The following CHMP1A variants were observed in gnomAD, a reference collection of about 807,000 sequenced individuals.
The protein encoded by CHMP1A is VPS46 homolog A.
Under a neutral mutation model 27.0 loss-of-function variants are expected in CHMP1A, and 17 were observed. The observed-to-expected ratio is 0.63, with a 90% CI of 0.43 to 0.95. The LOEUF (loss-of-function observed/expected upper bound fraction) is 0.95, where lower values mean the gene tolerates loss of function less well. Among genes scored for constraint, CHMP1A ranks in the 40% least tolerant of loss-of-function variants. The pLI, the probability that CHMP1A is intolerant of heterozygous loss-of-function variation, is 0.00. For synonymous variants in CHMP1A, 131 were observed against 107.5 expected, an observed-to-expected ratio of 1.22 and a Z score of -1.35; for missense variants, 275 against 264.0, an observed-to-expected ratio of 1.04 and a Z score of -0.29.
At position 89,645,539 on chromosome 16, in the gene CHMP1A, AGG is replaced by A; in HGVS notation, c.*525_*526del. The A allele has an allele frequency of 5.2e-6, 1 of 192,068 alleles. No individual in the cohort carries two copies. Among genetic ancestry groups the A allele is most frequent in the East Asian group, 1.8e-4 (1 of 5,408 alleles). 11.9% of individuals were successfully genotyped at this position (192,068 alleles called of 1,614,324 possible). On this transcript the variant is annotated 3_prime_UTR_variant, in exon 7 of 7. Coordinates refer to ENST00000397901, the MANE Select transcript of CHMP1A (RefSeq NM_002768.5). ...GACACCACCCCTGGAGTGATGGAGG[AGG>A]AGGATGTCATTGTAAATACCACCAG... is the stretch of plus-strand genomic sequence containing the variant.
chr16:89,646,884 G>A, intron 5 of CHMP1A, 170 bp from the exon 6 acceptor site: 1 of 709,060 alleles, frequency 1.4e-6, no homozygotes, highest in Non-Finnish European at 2.4e-6. Flanking sequence ...AGCCTTTCCT[G>A]CCCCCCCACC....
At chr16:89,656,388 C>T (rs538193204) in intron 1 of CHMP1A, among the ~76,000 whole-genome samples, 1 of 152,326 alleles carries the variant, frequency 6.6e-6, no homozygotes, top group Admixed American at 6.5e-5. Flanking sequence ...CCGCCGGCCT[C>T]GGCCTCCCAA....
At chr16:89,651,342 G>C (rs1568003012) in intron 3 of CHMP1A, among the ~76,000 whole-genome samples, 1 of 151,888 alleles carries the variant, frequency 6.6e-6, no homozygotes, top group African/African-American at 2.4e-5. Flanking sequence ...GTGCACTCCA[G>C]CCTGGGCGAC....
At chr16:89,649,575 G>C in intron 3 of CHMP1A, 78 bp from the exon 4 acceptor site, 1 of 1,514,256 alleles carries the variant, frequency 6.6e-7, no homozygotes, top group African/African-American at 1.4e-5. Context: ...TTTTTGTTTT[G>C]TTTTGTTTTG....
intron 1 of CHMP1A, among the ~76,000 whole-genome samples, chr16:89,656,166 T>C (rs574699455): frequency 6.6e-6 from 1 of 152,244 alleles, no homozygotes; most frequent in South Asian, 2.1e-4. Context: ...AGACGGAGTC[T>C]CGCTCTGTCG....
At chr16:89,648,181 GC>G (rs1226062248) in intron 4 of CHMP1A, among the ~76,000 whole-genome samples, 1 of 224 alleles carries the variant, frequency 4.5e-3, no homozygotes, top group Admixed American at 0.038. Flanking sequence ...TGGAGAAAAG[GC>G]CGCCGACGTG....
At chr16:89,653,622 CAAAAAAAAA>C (rs5818724) in intron 2 of CHMP1A, among the ~76,000 whole-genome samples, 2 of 51,516 alleles carry the variant, frequency 3.9e-5, no homozygotes, top group Middle Eastern at 8.8e-3. Flanking sequence ...GACGCCGTCT[CAAAAAAAAA>C]AAAAAAAAAA....
At chr16:89,654,014 C>G (rs1311680861) in intron 1 of CHMP1A, 91 bp from the exon 2 acceptor site, 24 of 1,357,998 alleles carry the variant, frequency 1.8e-5, no homozygotes, top group Non-Finnish European at 2.5e-5. Flanking sequence ...CTTCTAGACA[C>G]CAGGAGCTAG....
At chr16:89,647,824 C>T (rs79557824) in intron 4 of CHMP1A, among the ~76,000 whole-genome samples, 20 of 3,994 alleles carry the variant, frequency 5.0e-3, no homozygotes, top group African/African-American at 0.03. Context: ...GGGGACCCAG[C>T]GCGGGGTCGG....
In CHMP1A at chr16:89,649,376, A is replaced by C. The variant is rs768213385; in HGVS notation, c.227T>G (p.Val76Gly). Residue 76 changes from valine to glycine, a missense_variant, in exon 4 of 7, where the codon GTG (valine) becomes GGG (glycine). Coordinates refer to ENST00000397901, the MANE Select transcript of CHMP1A (RefSeq NM_002768.5). ...CCCCTTCATAGTCACAGCTGTCTGC[A>C]CCTTGGAGGCCACTGCGTCTACGCG... ...ASRVDAVASK[V>G]QTAVTMKGVT... 1.9e-6 allele frequency: 3 copies of C among 1,613,446 alleles called. No homozygotes were observed.
At chr16:89,656,801 G>A (rs112965561) in intron 1 of CHMP1A, among the ~76,000 whole-genome samples, 1 of 152,018 alleles carries the variant, frequency 6.6e-6, no homozygotes, top group South Asian at 2.1e-4. Context: ...TCCAAGTCCC[G>A]AAAGGCCGAA....
chr16:89,646,555 G>A lies in CHMP1A; in HGVS notation c.541C>T (p.Arg181Cys), dbSNP rs960075965. The A allele has an allele frequency of 8.2e-6, 13 of 1,591,030 alleles. No homozygotes were observed. The highest frequency in any genetic ancestry group is 4.6e-5 in the South Asian group (4 of 87,134). The change falls in exon 6 of 7, where the codon CGC (arginine) becomes TGC (cysteine). Residue 181 changes from arginine to cysteine, a missense_variant. Coordinates refer to ENST00000397901, the MANE Select transcript of CHMP1A (RefSeq NM_002768.5). The part of the protein sequence containing the change: ...GASAVGESSV[R>C]SQEDQLSRRL... The stretch of plus-strand genomic sequence containing the variant: ...CGTGACAGCTGGTCCTCCTGGCTGC[G>A]CACAGAGCTCTCGCCCACGGCAGAG...
At chr16:89,647,580 CAGTGGAGAAAAGG>C (rs2059786352) in intron 4 of CHMP1A, among the ~76,000 whole-genome samples, 1 of 144,464 alleles carries the variant, frequency 6.9e-6, no homozygotes, top group African/African-American at 2.6e-5. Context: ...AGTGCGGGGT[CAGTGGAGAAAAGG>C]CCGCCGACGT....
At position 89,645,375 on chromosome 16, in the gene CHMP1A, T is replaced by C. The variant is rs1472861138; in HGVS notation, c.*691A>G. 1 of 155,014 alleles carries C rather than the reference T, an allele frequency of 6.5e-6. No individual in the cohort carries two copies. Among genetic ancestry groups the C allele is most frequent in the Non-Finnish European group, 1.4e-5 (1 of 69,680 alleles). 9.6% of individuals were successfully genotyped at this position (155,014 alleles called of 1,614,324 possible). ...TCCAGAGGCAGCAGCTGAGTGAGGA[T>C]GAAGACTGCAGGGTGGGCACACTTG... On this transcript the variant is annotated 3_prime_UTR_variant, in exon 7 of 7. Transcript: ENST00000397901.
At chr16:89,657,524 T>G in intron 1 of CHMP1A, 58 bp downstream of exon 1, 3 of 1,600,806 alleles carry the variant, frequency 1.9e-6, no homozygotes, top group Non-Finnish European at 2.6e-6. Context: ...CCCACGCCAG[T>G]GGGAGAAGCG....
At chr16:89,649,310 CA>C in intron 4 of CHMP1A, 40 bp downstream of exon 4, 1 of 1,597,154 alleles carries the variant, frequency 6.3e-7, no homozygotes, top group Non-Finnish European at 8.6e-7. Context: ...CTGCTTCAGC[CA>C]GCGAACGCCA....
intron 4 of CHMP1A, 86 bp from the exon 5 acceptor site, chr16:89,647,417 G>C: frequency 7.6e-7 from 1 of 1,324,284 alleles, no homozygotes; most frequent in Non-Finnish European, 1.0e-6. Flanking sequence ...GACTCTGACA[G>C]GAGAGCTGGG....
chr16:89,645,122 TGGGAAGGCATTGGGGTGTGGTCG>T lies in CHMP1A; in HGVS notation c.*921_*943del, dbSNP rs958707879. 13 of 152,364 alleles carry T rather than the reference TGGGAAGGCATTGGGGTGTGGTCG, an allele frequency of 8.5e-5. No individual in the cohort carries two copies. The highest frequency in any genetic ancestry group is 3.9e-4 in the East Asian group (2 of 5,176). The allele number at this position is 152,364 out of a possible 1,614,324, so 9.4% of individuals were successfully genotyped here. ...TCATCAGCTGCCTTGGCTTCCAAGCTGGGAAGGCATTGGGGTGTGGTCGGGGAAGGCACCCAGTTGTTTACAGA... is the reference window on the plus strand; with the variant it reads ...TCATCAGCTGCCTTGGCTTCCAAGCTGGGAAGGCACCCAGTTGTTTACAGA... On this transcript the variant is annotated 3_prime_UTR_variant, in exon 7 of 7. Coordinates refer to ENST00000397901, the MANE Select transcript of CHMP1A (RefSeq NM_002768.5).
intron 1 of CHMP1A, 31 bp from the exon 2 acceptor site, chr16:89,653,954 G>T: frequency 6.2e-7 from 1 of 1,612,172 alleles, no homozygotes; most frequent in Non-Finnish European, 8.5e-7. Flanking sequence ...AATGGTTTGA[G>T]GATTGGGAAT....
Sources: gnomAD v4.1 joint callset for allele counts (sites outside exome capture counted in the v4.1 genomes callset) on GRCh38, gnomAD v4.1.1 for gene constraint, MANE v1.5 for transcripts, NCBI Gene and HGNC (gene_info 2026-07-23, HGNC 2026-07-21) for gene names.